Variants in CADPS2 observed in about 807,000 individuals in gnomAD.
CADPS2 encodes calcium-dependent secretion activator 2.
CADPS2 carries 93 observed loss-of-function variants against 172.5 expected under a neutral mutation model. That is an observed-to-expected ratio of 0.54 (90% CI 0.46 to 0.64). CADPS2 has a LOEUF of 0.64. Among genes scored for constraint, CADPS2 ranks in the 30% least tolerant of loss-of-function variants. The pLI, the probability that CADPS2 is intolerant of heterozygous loss-of-function variation, is 0.00. For missense variants in CADPS2, 1,420 were observed against 1,565.9 expected, an observed-to-expected ratio of 0.91 and a Z score of 1.57; for synonymous variants, 546 against 555.2, an observed-to-expected ratio of 0.98 and a Z score of 0.23.
At chr7:122,544,403 T>A (rs886343867) in intron 8 of CADPS2, among the ~76,000 whole-genome samples, 1 of 152,178 alleles carries the variant, frequency 6.6e-6, no homozygotes, top group Non-Finnish European at 1.5e-5. Flanking sequence ...CTTTGCTGTA[T>A]AGCATACTGC....
At chr7:122,452,218 C>T (rs907142212) in intron 14 of CADPS2, among the ~76,000 whole-genome samples, 8 of 151,982 alleles carry the variant, frequency 5.3e-5, no homozygotes, top group African/African-American at 9.7e-5. Flanking sequence ...TTTAGGTATC[C>T]GGTTGTACGG....
At chr7:122,699,415 G>A (rs1431548543) in intron 2 of CADPS2, among the ~76,000 whole-genome samples, 1 of 152,066 alleles carries the variant, frequency 6.6e-6, no homozygotes, top group Non-Finnish European at 1.5e-5. Flanking sequence ...AGCAAGTGAA[G>A]GAGATATTTC....
chr7:122,820,567 T>G lies in CADPS2; in HGVS notation c.339+65432A>C, dbSNP rs1329038213. 1.8e-4 allele frequency among the ~76,000 whole-genome samples: 22 copies of G among 122,544 alleles called. 5 individuals carry two copies. The highest frequency in any genetic ancestry group is 4.5e-4 in the African/African-American group (14 of 30,784). The allele number at this position is 122,544 out of a possible 152,430, so 80.4% of individuals were successfully genotyped here. On this transcript the variant is annotated intron_variant, in intron 1 of 29. Transcript: ENST00000449022. The stretch of plus-strand genomic sequence containing the variant: ...GTTTTTTGTTTTTTGTTTTTTTTTT[T>G]TTTTTTTTTTGAGACGGAGTCTCGC...
At chr7:122,689,771 T>G (rs1224646355) in intron 2 of CADPS2, among the ~76,000 whole-genome samples, 1 of 152,162 alleles carries the variant, frequency 6.6e-6, no homozygotes, top group Non-Finnish European at 1.5e-5. Context: ...CGTGTTATGT[T>G]TGCACAAACC....
chr7:122,739,169 T>C (rs2092343710), intron 1 of CADPS2, among the ~76,000 whole-genome samples: 1 of 152,080 alleles, frequency 6.6e-6, no homozygotes, highest in African/African-American at 2.4e-5. Context: ...GTTACTAAGC[T>C]CTGGGAATGC....
intron 1 of CADPS2, among the ~76,000 whole-genome samples, chr7:122,815,151 G>A (rs572115072): frequency 6.6e-6 from 1 of 152,226 alleles, no homozygotes; most frequent in South Asian, 2.1e-4. Context: ...CTACAATAAA[G>A]AAAGTGGTTT....
At chr7:122,758,831 G>A (rs943057584) in intron 1 of CADPS2, among the ~76,000 whole-genome samples, 5 of 152,034 alleles carry the variant, frequency 3.3e-5, no homozygotes, top group South Asian at 2.1e-4. Context: ...AACCATTAAC[G>A]TTTTTAAACT....
intron 1 of CADPS2, among the ~76,000 whole-genome samples, chr7:122,873,035 G>A (rs17145065): frequency 0.21 from 32,492 of 151,862 alleles, 3,726 homozygotes; most frequent in Middle Eastern, 0.31. Flanking sequence ...CAGGAAAGGA[G>A]TACAGAAATG....
At chr7:122,774,412 G>A (rs2093811343) in intron 1 of CADPS2, among the ~76,000 whole-genome samples, 1 of 151,804 alleles carries the variant, frequency 6.6e-6, no homozygotes, top group Non-Finnish European at 1.5e-5. Flanking sequence ...ATGGAACAAC[G>A]TGTTAACACA....
At chr7:122,512,662 T>A (rs1157436377) in intron 9 of CADPS2, among the ~76,000 whole-genome samples, 1 of 152,124 alleles carries the variant, frequency 6.6e-6, no homozygotes, top group Non-Finnish European at 1.5e-5. Flanking sequence ...TGTGGCATAT[T>A]TGCATTAAAT....
Position 122,386,396 on chromosome 7 carries a change from G to T in CADPS2, c.3312+630C>A, listed in dbSNP as rs576509280. ...GAAATGAAGAAAAAGTAATTACAAT[G>T]GGAAAAAAAGGCAACAAAATCAACT... On this transcript the variant is annotated intron_variant, in intron 24 of 29. Coordinates refer to ENST00000449022, the MANE Select transcript of CADPS2 (RefSeq NM_017954.11). 6.3e-5 allele frequency: 48 copies of T among 764,252 alleles called. No individual in the cohort carries two copies. The East Asian group carries it at 1.5e-3, about 23-fold the overall frequency. 47.3% of individuals were successfully genotyped at this position (764,252 alleles called of 1,614,324 possible). A position where few individuals can be genotyped will look rare whatever the true frequency, so the allele number is the denominator to read the frequency against.
At chr7:122,844,762 G>C (rs975408148) in intron 1 of CADPS2, among the ~76,000 whole-genome samples, 3 of 152,164 alleles carry the variant, frequency 2.0e-5, no homozygotes, top group Admixed American at 2.0e-4. Flanking sequence ...CAGGAAGTCT[G>C]ATGTGATTAA....
intron 12 of CADPS2, 100 bp from the exon 13 acceptor site, chr7:122,474,617 A>T: frequency 9.2e-7 from 1 of 1,087,946 alleles, no homozygotes; most frequent in Non-Finnish European, 1.3e-6. Flanking sequence ...CAAGCAGAAG[A>T]CTACCTTTTA....
intron 9 of CADPS2, among the ~76,000 whole-genome samples, chr7:122,505,027 A>AT (rs2059506287): frequency 6.6e-6 from 1 of 152,236 alleles, no homozygotes; most frequent in Non-Finnish European, 1.5e-5. Flanking sequence ...TCTAATGGAC[A>AT]TTATCTTAAT....
chr7:122,351,232 G>T lies in CADPS2; in HGVS notation c.3505-5551C>A, dbSNP rs529158430. On this transcript the variant is annotated intron_variant, in intron 27 of 29. Transcript: ENST00000449022. ...ACTAAAAATACAAAAAATTAGCTGG[G>T]CATGGTGGCGGGTGCCTGTAGTCCC... 1.1e-3 allele frequency among the ~76,000 whole-genome samples: 172 copies of T among 151,246 alleles called. No homozygotes were observed. The Middle Eastern group carries it at 0.014, about 12-fold the overall frequency.
At chr7:122,751,921 C>A (rs2092968330) in intron 1 of CADPS2, among the ~76,000 whole-genome samples, 1 of 152,144 alleles carries the variant, frequency 6.6e-6, no homozygotes, top group African/African-American at 2.4e-5. Context: ...CAGGTCAAGT[C>A]CTTATTTACT....
intron 6 of CADPS2, among the ~76,000 whole-genome samples, chr7:122,591,968 A>G (rs1223486369): frequency 6.6e-6 from 1 of 151,866 alleles, no homozygotes; most frequent in Non-Finnish European, 1.5e-5. Flanking sequence ...AATGGCAACA[A>G]AAGACAAAAT....
intron 6 of CADPS2, among the ~76,000 whole-genome samples, chr7:122,594,411 C>A (rs943131507): frequency 8.6e-5 from 13 of 151,992 alleles, no homozygotes; most frequent in Admixed American, 6.6e-4. Context: ...TATCTGCCTT[C>A]TCTTCCTTAT....
In CADPS2 at chr7:122,439,478, T is replaced by C. The variant is rs575171841; in HGVS notation, c.2353-1014A>G. On this transcript the variant is annotated intron_variant, in intron 16 of 29. Coordinates refer to ENST00000449022, the MANE Select transcript of CADPS2 (RefSeq NM_017954.11). ...ATTGAAAGAATATGAAAACATCCAT[T>C]TCATGCTGTATTATTTCATTCTCTT... 2.6e-5 allele frequency: 4 copies of C among 152,252 alleles called. No individual in the cohort carries two copies. In the South Asian group the frequency reaches 8.3e-4, roughly 32 times the overall value. 9.4% of individuals were successfully genotyped at this position (152,252 alleles called of 1,614,324 possible).
Sources: gnomAD v4.1 joint callset for allele counts (sites outside exome capture counted in the v4.1 genomes callset) on GRCh38, gnomAD v4.1.1 for gene constraint, MANE v1.5 for transcripts, NCBI Gene and HGNC (gene_info 2026-07-23, HGNC 2026-07-21) for gene names.